The following NFIA variants were observed in gnomAD, a reference collection of about 807,000 sequenced individuals.
NFIA encodes the protein nuclear factor 1 A-type.
A neutral mutation model predicts 62.8 loss-of-function variants in NFIA; 8 were observed. The ratio of observed to expected loss-of-function variants is 0.13; its 90% CI spans 0.07 to 0.23. The LOEUF (loss-of-function observed/expected upper bound fraction) is 0.23, where lower values mean the gene tolerates loss of function less well. NFIA is among the 10% of genes least tolerant of loss of function. NFIA has a pLI of 1.00. For missense variants in NFIA, 410 were observed against 642.1 expected (o/e 0.64, Z 3.91); for synonymous variants, 235 against 238.1 (o/e 0.99, Z 0.12).
chr1:61,128,446 A>C (rs150994865), intron 2 of NFIA, among the ~76,000 whole-genome samples: 1 of 152,138 alleles, frequency 6.6e-6, no homozygotes, highest in Non-Finnish European at 1.5e-5. Context: ...CCACATCTCT[A>C]CCGAAAAATA....
intron 3 of NFIA, among the ~76,000 whole-genome samples, chr1:61,325,728 C>A (rs554618358): frequency 6.6e-6 from 1 of 152,106 alleles, no homozygotes; most frequent in South Asian, 2.1e-4. Context: ...ACCATCCTGG[C>A]TAACACAGTG....
chr1:61,330,583 G>T (rs1661250232), intron 3 of NFIA, among the ~76,000 whole-genome samples: 2 of 151,986 alleles, frequency 1.3e-5, no homozygotes, highest in Non-Finnish European at 1.5e-5. Flanking sequence ...ATGAATGAAC[G>T]CAAGGGTCTT....
At chr1:61,450,298 AC>A (rs1485725231) in intron 10 of NFIA, among the ~76,000 whole-genome samples, 1 of 152,204 alleles carries the variant, frequency 6.6e-6, no homozygotes, top group African/African-American at 2.4e-5. Flanking sequence ...CCACTGAGAG[AC>A]CTCATCCATT....
intron 2 of NFIA, among the ~76,000 whole-genome samples, chr1:61,269,479 A>T (rs1657381978): frequency 6.6e-6 from 1 of 152,232 alleles, no homozygotes; most frequent in African/African-American, 2.4e-5. Flanking sequence ...TATTTATGAT[A>T]GAAGGTGACA....
chr1:61,272,449 T>C (rs1447334443), intron 2 of NFIA, among the ~76,000 whole-genome samples: 1 of 152,240 alleles, frequency 6.6e-6, no homozygotes, highest in Non-Finnish European at 1.5e-5. Context: ...TTTGATTTTC[T>C]GGATTTCGTT....
At chr1:61,375,561 G>A (rs1204002544) in intron 6 of NFIA, among the ~76,000 whole-genome samples, 2 of 152,156 alleles carry the variant, frequency 1.3e-5, no homozygotes, top group Non-Finnish European at 2.9e-5. Flanking sequence ...CAGAAGTAGG[G>A]ATCTTGGTAG....
At chr1:61,316,047 G>A (rs566259896) in intron 3 of NFIA, among the ~76,000 whole-genome samples, 90 of 152,140 alleles carry the variant, frequency 5.9e-4, no homozygotes, top group African/African-American at 2.1e-3. Context: ...GTCCACATAC[G>A]GACTGATAAG....
Position 61,456,167 on chromosome 1 carries a change from A to G in NFIA, c.*847A>G, listed in dbSNP as rs1668293329. 2 of 152,778 alleles carry G rather than the reference A, an allele frequency of 1.3e-5. No individual in the cohort carries two copies. Among genetic ancestry groups the G allele is most frequent in the Non-Finnish European group, 2.9e-5 (2 of 68,034 alleles). The allele number at this position is 152,778 out of a possible 1,614,324, so 9.5% of individuals were successfully genotyped here. A position where few individuals can be genotyped will look rare whatever the true frequency, so the allele number is the denominator to read the frequency against. ...ATCAATCAAAACAATCGAATTTTGA[A>G]TTGAGTAAAGTGCAATTTCATTGGA... On this transcript the variant is annotated 3_prime_UTR_variant, in exon 11 of 11. Transcript: ENST00000403491.
intron 9 of NFIA, 134 bp downstream of exon 9, chr1:61,406,861 G>T (rs1665865001): frequency 2.7e-5 from 29 of 1,077,058 alleles, no homozygotes; most frequent in Non-Finnish European, 3.6e-5. Context: ...GCATGAGTTT[G>T]CCAGACCGAG....
At chr1:61,129,742 G>A (rs898103565) in intron 2 of NFIA, among the ~76,000 whole-genome samples, 2 of 152,058 alleles carry the variant, frequency 1.3e-5, no homozygotes, top group African/African-American at 2.4e-5. Context: ...GAGCCACCAC[G>A]CCTGGCCAGT....
At chr1:61,332,648 T>TAGC (rs1661358483) in intron 4 of NFIA, 62 bp downstream of exon 4, 1 of 1,428,536 alleles carries the variant, frequency 7.0e-7, no homozygotes, top group East Asian at 2.3e-5. Flanking sequence ...ACTTTCTGCC[T>TAGC]AGGACTCCTA....
At chr1:61,182,958 C>T (rs571933712) in intron 2 of NFIA, among the ~76,000 whole-genome samples, 1 of 152,326 alleles carries the variant, frequency 6.6e-6, no homozygotes, top group Admixed American at 6.5e-5. Context: ...ATTAACTATA[C>T]TTGCAAGTTT....
chr1:61,243,552 T>C (rs1390894855), intron 2 of NFIA, among the ~76,000 whole-genome samples: 1 of 151,822 alleles, frequency 6.6e-6, no homozygotes, highest in Non-Finnish European at 1.5e-5. Flanking sequence ...AATTTTGTTG[T>C]TTTTTTTCTA....
intron 4 of NFIA, among the ~76,000 whole-genome samples, chr1:61,342,473 A>G (rs1661975213): frequency 6.6e-6 from 1 of 152,216 alleles, no homozygotes; most frequent in South Asian, 2.1e-4. Flanking sequence ...AAGCTAAGAC[A>G]TGATGATACT....
At chr1:61,361,819 GT>G (rs1285988974) in intron 6 of NFIA, among the ~76,000 whole-genome samples, 3 of 138,362 alleles carry the variant, frequency 2.2e-5, no homozygotes, top group African/African-American at 8.4e-5. Context: ...GTGTGTGTGT[GT>G]GTGTGTACGT....
chr1:61,300,286 G>T (rs886830634), intron 3 of NFIA, among the ~76,000 whole-genome samples: 9 of 152,038 alleles, frequency 5.9e-5, no homozygotes, highest in Non-Finnish European at 1.2e-4. Context: ...GTACCTGACA[G>T]ATCTTCTAAG....
chr1:61,341,341 G>A (rs1348606146), intron 4 of NFIA, among the ~76,000 whole-genome samples: 5 of 152,062 alleles, frequency 3.3e-5, no homozygotes, highest in Admixed American at 6.5e-5. Flanking sequence ...GTGAGCCACT[G>A]CACCTGGCCC....
At chr1:61,195,900 G>C (rs551255302) in intron 2 of NFIA, among the ~76,000 whole-genome samples, 1 of 152,028 alleles carries the variant, frequency 6.6e-6, no homozygotes, top group Non-Finnish European at 1.5e-5. Flanking sequence ...TACTATAACC[G>C]TTTTAAATCA....
intron 7 of NFIA, among the ~76,000 whole-genome samples, chr1:61,403,456 G>A (rs975918296): frequency 6.6e-6 from 1 of 152,150 alleles, no homozygotes; most frequent in Admixed American, 6.5e-5. Flanking sequence ...TTTAGCAGGG[G>A]TCACTGCCTG....
Sources: allele counts gnomAD v4.1 joint callset (sites outside exome capture counted in the v4.1 genomes callset), GRCh38; gene constraint gnomAD v4.1.1; transcripts MANE v1.5; gene names NCBI Gene and HGNC (gene_info 2026-07-23, HGNC 2026-07-21).